TOPAZ1: variants seen among roughly 807,000 people sequenced by gnomAD.
TOPAZ1 encodes the protein testis and ovary specific TOPAZ 1, also known as protein TOPAZ1.
In TOPAZ1, 66 loss-of-function variants were observed where a neutral mutation model predicts 172.2. The ratio of observed to expected loss-of-function variants is 0.38; its 90% CI spans 0.31 to 0.47. The LOEUF is 0.47. Among genes scored for constraint, TOPAZ1 ranks in the 20% least tolerant of loss-of-function variants. The probability of loss-of-function intolerance (pLI) is 0.99; values close to 1 mark genes in which losing one functional copy is unlikely to be tolerated. For missense variants in TOPAZ1, 1,822 were observed against 1,972.4 expected (o/e 0.92, Z 1.44); for synonymous variants, 681 against 683.9 (o/e 1.00, Z 0.07).
chr3:44,298,141 A>G (rs1438759505), intron 12 of TOPAZ1, among the ~76,000 whole-genome samples: 1 of 152,174 alleles, frequency 6.6e-6, no homozygotes, highest in Non-Finnish European at 1.5e-5. Flanking sequence ...GTGCAAAGGT[A>G]AAAGGACTAG....
intron 4 of TOPAZ1, among the ~76,000 whole-genome samples, chr3:44,261,495 A>G (rs1277149188): frequency 6.6e-6 from 1 of 151,988 alleles, no homozygotes; most frequent in African/African-American, 2.4e-5. Flanking sequence ...TGGGCTGTCT[A>G]TTCTGTTCTA....
downstream of TOPAZ1, among the ~76,000 whole-genome samples, chr3:44,332,725 G>C (rs775507434): frequency 6.6e-6 from 1 of 151,790 alleles, no homozygotes; most frequent in East Asian, 1.9e-4. Context: ...ACTTTAAACC[G>C]TAATTTAAAA....
chr3:44,303,898 T>C, intron 12 of TOPAZ1, 117 bp from the exon 13 acceptor site: 1 of 540,120 alleles, frequency 1.9e-6, no homozygotes, highest in Non-Finnish European at 3.2e-6. Context: ...TTATAGCATA[T>C]TATATACATT....
chr3:44,321,342 A>G (rs1181586136), intron 17 of TOPAZ1, among the ~76,000 whole-genome samples, 151 bp downstream of exon 17: 2 of 152,126 alleles, frequency 1.3e-5, no homozygotes, highest in African/African-American at 4.8e-5. Flanking sequence ...TTCTCTGCAA[A>G]TTGAATATAC....
intron 19 of TOPAZ1, among the ~76,000 whole-genome samples, chr3:44,330,654 T>C (rs17030563): frequency 0.15 from 23,534 of 152,160 alleles, 2,387 homozygotes; most frequent in African/African-American, 0.28. Context: ...GACTACACTG[T>C]GATGTTAATG....
intron 3 of TOPAZ1, among the ~76,000 whole-genome samples, chr3:44,255,670 T>TATATACAC (rs1202865847): frequency 8.6e-5 from 4 of 46,380 alleles, no homozygotes; most frequent in Admixed American, 2.6e-4. Flanking sequence ...AAAATATATA[T>TATATACAC]ACACACACAC....
At chr3:44,323,047 A>T in intron 17 of TOPAZ1, 45 bp from the exon 18 acceptor site, 3 of 1,338,188 alleles carry the variant, frequency 2.2e-6, no homozygotes, top group Non-Finnish European at 3.0e-6. Context: ...GGTTTGAGAC[A>T]CTTTAATATA....
intron 2 of TOPAZ1, among the ~76,000 whole-genome samples, chr3:44,250,243 C>CAAAAAAAAA (rs35079686): frequency 9.0e-6 from 1 of 110,812 alleles, no homozygotes; most frequent in Non-Finnish European, 1.8e-5. Context: ...CATGAAATGA[C>CAAAAAAAAA]AAAAAAAAAA....
chr3:44,278,179 GTTTA>G (rs1255470642), intron 8 of TOPAZ1, among the ~76,000 whole-genome samples: 12 of 152,106 alleles, frequency 7.9e-5, no homozygotes, highest in African/African-American at 2.7e-4. Context: ...GATATATCAT[GTTTA>G]TTTATTTGTG....
intron 2 of TOPAZ1, among the ~76,000 whole-genome samples, chr3:44,251,885 A>G (rs182609012): frequency 3.9e-5 from 6 of 152,158 alleles, no homozygotes; most frequent in Non-Finnish European, 7.4e-5. Context: ...TATTTCACCA[A>G]TTCAGAACTG....
intron 8 of TOPAZ1, among the ~76,000 whole-genome samples, chr3:44,278,658 T>C (rs549764158): frequency 6.6e-6 from 1 of 152,296 alleles, no homozygotes; most frequent in Admixed American, 6.5e-5. Flanking sequence ...TCTCTGATGA[T>C]CTTTTTATAT....
Position 44,328,357 on chromosome 3 carries a change from A to G in TOPAZ1, c.4783A>G (p.Ile1595Val), listed in dbSNP as rs146327039. 1.2e-3 allele frequency: 1,813 copies of G among 1,524,954 alleles called. 9 individuals carry two copies. The highest frequency in any genetic ancestry group is 5.3e-3 in the South Asian group (424 of 79,424). The allele number at this position is 1,524,954 out of a possible 1,614,324, so 94.5% of individuals were successfully genotyped here. ...SEIEMLLAIE[I>V]FMVSNASSIQ... ...GATTGAAATGCTCTTAGCTATTGAA[A>G]TCTTCATGGTATCTAATGCTAGTAG... The change falls in exon 19 of 20, where the codon ATC (isoleucine) becomes GTC (valine). Residue 1595 changes from isoleucine (I) to valine (V), a missense_variant. Transcript: ENST00000309765.
At chr3:44,245,372 A>G (rs1343339251) in intron 2 of TOPAZ1, 101 bp downstream of exon 2, 51 of 1,212,360 alleles carry the variant, frequency 4.2e-5, no homozygotes. Context: ...AAGCTCCATT[A>G]TTTTTTAACC....
At chr3:44,290,025 A>G (rs9311353) in intron 11 of TOPAZ1, among the ~76,000 whole-genome samples, 72,491 of 151,828 alleles carry the variant, frequency 0.48, 18,186 homozygotes, top group East Asian at 0.81. Flanking sequence ...ATACCTTTGA[A>G]GTATTATGGA....
intron 15 of TOPAZ1, among the ~76,000 whole-genome samples, chr3:44,306,648 G>A (rs936566880): frequency 1.4e-4 from 21 of 152,136 alleles, no homozygotes; most frequent in Non-Finnish European, 8.8e-5. Flanking sequence ...TATAGTCCCA[G>A]CTACTCAGGA....
intron 3 of TOPAZ1, 62 bp from the exon 4 acceptor site, chr3:44,256,089 C>A: frequency 7.8e-7 from 1 of 1,286,056 alleles, no homozygotes; most frequent in South Asian, 1.6e-5. Context: ...TTAGAACAGC[C>A]TTTGAATAAC....
chr3:44,274,631 T>G (rs1207195450), intron 8 of TOPAZ1, among the ~76,000 whole-genome samples: 1 of 151,270 alleles, frequency 6.6e-6, no homozygotes, highest in East Asian at 2.0e-4. Flanking sequence ...CTCAGCTCAC[T>G]GTAACCTCCG....
chr3:44,282,168 T>G, intron 9 of TOPAZ1, 137 bp downstream of exon 9: 2 of 569,294 alleles, frequency 3.5e-6, no homozygotes, highest in Non-Finnish European at 6.2e-6. Flanking sequence ...AAGAAAGGAT[T>G]GAAAATAAAT....
rs760870684 is a variant in TOPAZ1 at position 44,269,209 on chromosome 3, T to A, written c.3161-7T>A. The A allele has an allele frequency of 6.6e-7, 1 of 1,512,622 alleles. No homozygotes were observed. Among genetic ancestry groups the A allele is most frequent in the Admixed American group, 2.0e-5 (1 of 50,814 alleles). The allele number at this position is 1,512,622 out of a possible 1,614,324, so 93.7% of individuals were successfully genotyped here. ...TGGTGTGTAATGCCACTCTAAATCA[T>A]TTCTAGATTTCAGATTTCTGGGAAA... is the stretch of plus-strand genomic sequence containing the variant. On this transcript the variant is annotated splice_polypyrimidine_tract_variant and splice_region_variant and intron_variant, in intron 6 of 19. Coordinates refer to ENST00000309765, the MANE Select transcript of TOPAZ1 (RefSeq NM_001145030.2).
Sources: gnomAD v4.1 joint callset for allele counts (sites outside exome capture counted in the v4.1 genomes callset) on GRCh38, gnomAD v4.1.1 for gene constraint, MANE v1.5 for transcripts, NCBI Gene and HGNC (gene_info 2026-07-23, HGNC 2026-07-21) for gene names.